Variants in TFEC observed in about 807,000 individuals in gnomAD.
The protein encoded by TFEC is transcription factor EC.
Under a neutral mutation model 41.6 loss-of-function variants are expected in TFEC, and 31 were observed. That is an observed-to-expected ratio of 0.74 (90% CI 0.56 to 1.01). The LOEUF (loss-of-function observed/expected upper bound fraction) is 1.01, where lower values mean the gene tolerates loss of function less well. Among genes scored for constraint, TFEC ranks in the 50% least tolerant of loss-of-function variants. TFEC has a pLI of 0.00. For synonymous variants in TFEC, 143 were observed against 140.6 expected (o/e 1.02, Z -0.12); for missense variants, 402 against 404.1 (o/e 0.99, Z 0.04).
At chr7:116,013,654 T>C (rs569594480) in intron 1 of TFEC, among the ~76,000 whole-genome samples, 3 of 152,252 alleles carry the variant, frequency 2.0e-5, no homozygotes, top group Non-Finnish European at 2.9e-5. Context: ...TTGATTGTAA[T>C]AGGGTATTCT....
intron 1 of TFEC, among the ~76,000 whole-genome samples, chr7:116,159,216 A>G (rs994247297): frequency 1.3e-5 from 2 of 151,984 alleles, no homozygotes; most frequent in African/African-American, 4.8e-5. Flanking sequence ...TAAATTATGA[A>G]ATTCAAATTT....
At chr7:115,955,589 T>G (rs1792179915) in intron 4 of TFEC, among the ~76,000 whole-genome samples, 1 of 152,008 alleles carries the variant, frequency 6.6e-6, no homozygotes. Context: ...TCATAAGAGA[T>G]TCTGGTCTGA....
chr7:116,158,045 G>A (rs1221972616), intron 1 of TFEC, among the ~76,000 whole-genome samples: 1 of 151,944 alleles, frequency 6.6e-6, no homozygotes, highest in East Asian at 1.9e-4. Flanking sequence ...GTAAAATTAG[G>A]AAAATACTAC....
intron 3 of TFEC, among the ~76,000 whole-genome samples, chr7:116,104,649 TA>T (rs1797675794): frequency 6.6e-6 from 1 of 152,108 alleles, no homozygotes; most frequent in Non-Finnish European, 1.5e-5. Flanking sequence ...GCAGTTTCTC[TA>T]ATTTCTATCC....
At chr7:116,088,634 CT>C (rs1294820334) in intron 3 of TFEC, among the ~76,000 whole-genome samples, 1 of 151,968 alleles carries the variant, frequency 6.6e-6, no homozygotes, top group East Asian at 1.9e-4. Context: ...AAACTCATCT[CT>C]TTTTTATATA....
chr7:115,944,594 A>G (rs1793693757), intron 6 of TFEC, among the ~76,000 whole-genome samples: 1 of 151,710 alleles, frequency 6.6e-6, no homozygotes. Flanking sequence ...AAGTGTCTTC[A>G]GGTATTAGCT....
At position 116,122,660 on chromosome 7, in the gene TFEC, G is replaced by A. The variant is rs534938578; in HGVS notation, c.-68-10622C>T. Among the ~76,000 whole-genome samples the A allele has an allele frequency of 4.6e-5, 7 of 152,144 alleles. No individual in the cohort carries two copies. The South Asian group carries it at 1.0e-3, about 23-fold the overall frequency. On this transcript the variant is annotated intron_variant, in intron 1 of 8. Transcript: ENST00000484212. ...GGTAGCAGGCTTTCTTCAACTTGGA[G>A]GAAGTAACCATTGGCTTAGCATATG...
At chr7:116,151,351 G>A (rs764139809) in intron 1 of TFEC, among the ~76,000 whole-genome samples, 2 of 147,702 alleles carry the variant, frequency 1.4e-5, no homozygotes, top group African/African-American at 5.0e-5. Context: ...CAAGCAATTC[G>A]CCTGCCTCAG....
chr7:116,130,933 T>C (rs1331969453), intron 1 of TFEC, among the ~76,000 whole-genome samples: 1 of 152,196 alleles, frequency 6.6e-6, no homozygotes, highest in Admixed American at 6.5e-5. Flanking sequence ...TCTCAAAGAC[T>C]TCATCTTCAT....
intron 3 of TFEC, among the ~76,000 whole-genome samples, chr7:115,973,674 C>T (rs1200690233): frequency 6.6e-6 from 1 of 151,898 alleles, no homozygotes; most frequent in Admixed American, 6.6e-5. Flanking sequence ...AGGGTGAGGC[C>T]TGTTCTATCT....
At chr7:116,041,103 T>A (rs947371221) in intron 3 of TFEC, among the ~76,000 whole-genome samples, 1 of 152,146 alleles carries the variant, frequency 6.6e-6, no homozygotes, top group Non-Finnish European at 1.5e-5. Context: ...AACTGAACTA[T>A]TTCCCACAGT....
At chr7:116,018,161 G>GCTT (rs1347899880) in intron 1 of TFEC, among the ~76,000 whole-genome samples, 7 of 152,112 alleles carry the variant, frequency 4.6e-5, no homozygotes, top group Non-Finnish European at 1.0e-4. Context: ...AGCCCTATGA[G>GCTT]CTAGGAACTA....
rs924349913 is a variant in TFEC, at chr7:115,940,528, G to T, written c.*23C>A. ...ACCAGCATAGAATTGCTTTCCAGTT[G>T]ATGAATTGGGTCTGTTTATTTCTTA... On this transcript the variant is annotated 3_prime_UTR_variant, in exon 8 of 8. Transcript: ENST00000265440. The T allele has an allele frequency of 5.7e-6, 9 of 1,576,992 alleles. No homozygotes were observed. Among genetic ancestry groups the T allele is most frequent in the Non-Finnish European group, 7.8e-6 (9 of 1,159,524 alleles).
At chr7:116,147,963 A>G (rs1798677877) in intron 1 of TFEC, among the ~76,000 whole-genome samples, 1 of 152,144 alleles carries the variant, frequency 6.6e-6, no homozygotes, top group South Asian at 2.1e-4. Flanking sequence ...TCTAATAAAT[A>G]AGTAAAATAT....
At chr7:116,017,973 C>CCAATGTTGTGCA (rs1554404005) in intron 1 of TFEC, among the ~76,000 whole-genome samples, 2 of 89,870 alleles carry the variant, frequency 2.2e-5, no homozygotes, top group Non-Finnish European at 5.4e-5. Context: ...TATTGGACAT[C>CCAATGTTGTGCA]CAGTGTTGGG....
Position 115,984,459 on chromosome 7 carries a change from G to T in TFEC, c.-18C>A. 6.2e-7 allele frequency: 1 copy of T among 1,614,054 alleles called. No individual in the cohort carries two copies. The highest frequency in any genetic ancestry group is 8.5e-7 in the Non-Finnish European group (1 of 1,179,964). ...AGGGTCATGAAAGAGTTTACTTTCTGTCTCTGGGCTTTCTGTAGCTGAGGC... is the reference window on the plus strand; with the variant it reads ...AGGGTCATGAAAGAGTTTACTTTCTTTCTCTGGGCTTTCTGTAGCTGAGGC... On this transcript the variant is annotated 5_prime_UTR_variant, in exon 2 of 8. Transcript: ENST00000265440.
intron 1 of TFEC, among the ~76,000 whole-genome samples, chr7:115,990,301 T>A (rs1794048825): frequency 6.6e-6 from 1 of 152,114 alleles, no homozygotes; most frequent in African/African-American, 2.4e-5. Context: ...AGCTGAAAAT[T>A]CTAAAATCAG....
intron 3 of TFEC, among the ~76,000 whole-genome samples, chr7:115,963,900 T>C (rs1001939044): frequency 6.6e-6 from 1 of 151,706 alleles, no homozygotes; most frequent in African/African-American, 2.4e-5. Context: ...TAAAAATGTT[T>C]AGAATGGTAA....
chr7:115,980,657 C>T (rs1056866912), intron 2 of TFEC, among the ~76,000 whole-genome samples: 4 of 151,792 alleles, frequency 2.6e-5, no homozygotes, highest in African/African-American at 7.3e-5. Flanking sequence ...GGCTGAGGCA[C>T]GACAATCTCT....
Sources: gnomAD v4.1 joint callset for allele counts (sites outside exome capture counted in the v4.1 genomes callset) on GRCh38, gnomAD v4.1.1 for gene constraint, MANE v1.5 for transcripts, NCBI Gene and HGNC (gene_info 2026-07-23, HGNC 2026-07-21) for gene names.